F13A1: variants seen among roughly 807,000 people sequenced by gnomAD.
F13A1 encodes coagulation factor XIII A chain.
A neutral mutation model predicts 80.1 loss-of-function variants in F13A1; 47 were observed. The observed-to-expected ratio is 0.59, with a 90% CI of 0.46 to 0.75. The LOEUF (loss-of-function observed/expected upper bound fraction) is 0.75. F13A1 is among the 30% of genes least tolerant of loss of function. The pLI, the probability that F13A1 is intolerant of heterozygous loss-of-function variation, is 0.00. For synonymous variants in F13A1, 349 were observed against 344.9 expected (o/e 1.01, Z -0.13); for missense variants, 817 against 930.4 (o/e 0.88, Z 1.59).
intron 3 of F13A1, among the ~76,000 whole-genome samples, chr6:6,288,875 T>G (rs1758173340): frequency 6.6e-6 from 1 of 152,192 alleles, no homozygotes; most frequent in Non-Finnish European, 1.5e-5. Context: ...TCATTGTGGT[T>G]TTAATTTGCG....
At chr6:6,174,545 G>A (rs754614032) in intron 12 of F13A1, 35 bp downstream of exon 12, 6 of 1,610,270 alleles carry the variant, frequency 3.7e-6, no homozygotes, top group Non-Finnish European at 5.1e-6. Flanking sequence ...GCCAGACAGC[G>A]AGTCTCAGAA....
chr6:6,190,056 C>T (rs1477857068), intron 10 of F13A1, among the ~76,000 whole-genome samples: 2 of 152,156 alleles, frequency 1.3e-5, no homozygotes, highest in African/African-American at 4.8e-5. Context: ...AGGTCTTGAG[C>T]CTTGCTTTTC....
At chr6:6,255,756 ACAG>A (rs1306191858) in intron 4 of F13A1, among the ~76,000 whole-genome samples, 4 of 152,166 alleles carry the variant, frequency 2.6e-5, no homozygotes, top group African/African-American at 9.7e-5. Flanking sequence ...CTCACCTCAA[ACAG>A]GCAGACATTA....
intron 3 of F13A1, among the ~76,000 whole-genome samples, chr6:6,287,556 C>A (rs527774858): frequency 1.3e-5 from 2 of 152,064 alleles, no homozygotes; most frequent in African/African-American, 4.8e-5. Context: ...GTTCTCATTC[C>A]GATACCCATG....
intron 2 of F13A1, among the ~76,000 whole-genome samples, chr6:6,309,012 G>A (rs755388519): frequency 1.3e-5 from 2 of 152,046 alleles, no homozygotes; most frequent in Admixed American, 6.5e-5. Context: ...TGTTTAGTTC[G>A]ATATTAAGAC....
chr6:6,159,088 A>T (rs1240917618), intron 13 of F13A1, among the ~76,000 whole-genome samples: 2 of 151,972 alleles, frequency 1.3e-5, no homozygotes. Context: ...CTTTTAGTAG[A>T]GATGGGGTTT....
At chr6:6,212,157 C>T (rs1007717729) in intron 8 of F13A1, among the ~76,000 whole-genome samples, 5 of 152,172 alleles carry the variant, frequency 3.3e-5, no homozygotes, top group Non-Finnish European at 5.9e-5. Context: ...CCAGGAAGCT[C>T]GAACTGGGTG....
At chr6:6,235,106 T>C (rs2113079467) in intron 6 of F13A1, among the ~76,000 whole-genome samples, 1 of 152,160 alleles carries the variant, frequency 6.6e-6, no homozygotes. Flanking sequence ...CGAGCTTTGA[T>C]TCATACCTTG....
Position 6,205,622 on chromosome 6 carries a change from A to G in F13A1, c.1113-8296T>C, listed in dbSNP as rs529647517. ...AAGAGAATTGTAAAGCAGCTTTGTT[A>G]ATAGCAATTTTTAGAAAATTAGGGG... On this transcript the variant is annotated intron_variant, in intron 8 of 14. Coordinates refer to ENST00000264870, the MANE Select transcript of F13A1 (RefSeq NM_000129.4). Among the ~76,000 whole-genome samples, 3 of 152,314 alleles carry G rather than the reference A, an allele frequency of 2.0e-5. No individual in the cohort carries two copies. The South Asian group carries it at 6.2e-4, about 32-fold the overall frequency.
chr6:6,163,251 C>T (rs1246933773), intron 13 of F13A1, among the ~76,000 whole-genome samples: 1 of 152,208 alleles, frequency 6.6e-6, no homozygotes, highest in Non-Finnish European at 1.5e-5. Flanking sequence ...TTTAGAGAAA[C>T]ATATCCTATG....
intron 11 of F13A1, among the ~76,000 whole-genome samples, chr6:6,178,474 G>T (rs1182926757): frequency 6.6e-6 from 1 of 152,136 alleles, no homozygotes; most frequent in Non-Finnish European, 1.5e-5. Flanking sequence ...ACCAGAGTAG[G>T]GGGAGTGGGA....
chr6:6,255,133 G>A (rs193272700), intron 4 of F13A1, among the ~76,000 whole-genome samples: 4 of 152,190 alleles, frequency 2.6e-5, no homozygotes, highest in East Asian at 3.9e-4. Flanking sequence ...CTATGGAGGC[G>A]GGGGTAACAT....
At chr6:6,304,922 T>A (rs1758490868) in intron 3 of F13A1, among the ~76,000 whole-genome samples, 2 of 150,554 alleles carry the variant, frequency 1.3e-5, no homozygotes, top group Middle Eastern at 3.6e-3. Flanking sequence ...TTTATTGGAC[T>A]ATATTTTTCA....
intron 11 of F13A1, among the ~76,000 whole-genome samples, 189 bp from the exon 12 acceptor site, chr6:6,175,056 C>T (rs190072375): frequency 6.6e-6 from 1 of 152,248 alleles, no homozygotes; most frequent in Admixed American, 6.5e-5. Context: ...GCCAGACAGT[C>T]AGTGACCAGC....
intron 3 of F13A1, 103 bp downstream of exon 3, chr6:6,305,248 T>A: frequency 7.7e-7 from 1 of 1,293,984 alleles, no homozygotes; most frequent in African/African-American, 1.5e-5. Flanking sequence ...CTCCTGCCAC[T>A]GTTGACATAT....
At chr6:6,204,640 TTGG>T (rs773481558) in intron 8 of F13A1, among the ~76,000 whole-genome samples, 1 of 152,050 alleles carries the variant, frequency 6.6e-6, no homozygotes, top group Non-Finnish European at 1.5e-5. Context: ...TGGGAACAAT[TTGG>T]TGGACTCTGA....
intron 4 of F13A1, among the ~76,000 whole-genome samples, chr6:6,255,976 T>C (rs1336769337): frequency 6.6e-6 from 1 of 152,120 alleles, no homozygotes; most frequent in African/African-American, 2.4e-5. Flanking sequence ...AAACTCCCTA[T>C]GTTTGGAAGG....
At chr6:6,245,325 C>T (rs1757540019) in intron 6 of F13A1, among the ~76,000 whole-genome samples, 1 of 152,164 alleles carries the variant, frequency 6.6e-6, no homozygotes, top group East Asian at 1.9e-4. Flanking sequence ...CGGGTTCAAG[C>T]AATTCTCCTG....
chr6:6,170,427 T>C (rs1760752042), intron 12 of F13A1, among the ~76,000 whole-genome samples: 1 of 152,240 alleles, frequency 6.6e-6, no homozygotes, highest in South Asian at 2.1e-4. Flanking sequence ...TAGTATGTTA[T>C]GTAAGTGCTG....
Sources: gnomAD v4.1 joint callset for allele counts (sites outside exome capture counted in the v4.1 genomes callset) on GRCh38, gnomAD v4.1.1 for gene constraint, MANE v1.5 for transcripts, NCBI Gene and HGNC (gene_info 2026-07-23, HGNC 2026-07-21) for gene names.